The following TNFRSF10D variants were observed in gnomAD, a reference collection of about 807,000 sequenced individuals.
The protein encoded by TNFRSF10D is tumor necrosis factor receptor superfamily member 10D.
Under a neutral mutation model 42.1 loss-of-function variants are expected in TNFRSF10D, and 28 were observed. The observed-to-expected ratio is 0.66, with a 90% CI of 0.49 to 0.91. TNFRSF10D has a LOEUF of 0.91. Ranked by LOEUF, TNFRSF10D falls within the 40% of genes least tolerant of loss-of-function variation. TNFRSF10D has a pLI of 0.00. For synonymous variants in TNFRSF10D, 186 were observed against 189.4 expected, an observed-to-expected ratio of 0.98 and a Z score of 0.15; for missense variants, 503 against 486.1, an observed-to-expected ratio of 1.03 and a Z score of -0.33.
At chr8:23,154,811 T>C (rs757258771) in intron 2 of TNFRSF10D, 63 bp downstream of exon 2, 34 of 1,500,816 alleles carry the variant, frequency 2.3e-5, no homozygotes, top group Non-Finnish European at 3.0e-5. Flanking sequence ...GTGTACACCA[T>C]GAATATATAC....
chr8:23,144,276 C>T (rs550923458), intron 7 of TNFRSF10D, among the ~76,000 whole-genome samples, 174 bp downstream of exon 7: 1 of 152,188 alleles, frequency 6.6e-6, no homozygotes, highest in Admixed American at 6.5e-5. Context: ...AGATGTCCTG[C>T]AGACTGGCAC....
intron 1 of TNFRSF10D, 119 bp downstream of exon 1, chr8:23,163,667 A>C: frequency 2.0e-6 from 3 of 1,473,618 alleles, no homozygotes; most frequent in Non-Finnish European, 2.7e-6. Context: ...CGTCCTGCCC[A>C]GACATGCCCG....
rs1814342285 is a variant in TNFRSF10D, at chr8:23,137,029, G to A, written c.*841C>T. 6.6e-6 allele frequency: 1 copy of A among 152,018 alleles called. No homozygotes were observed. 9.4% of individuals were successfully genotyped at this position (152,018 alleles called of 1,614,324 possible). A position where few individuals can be genotyped will look rare whatever the true frequency, so the allele number is the denominator to read the frequency against. On this transcript the variant is annotated 3_prime_UTR_variant, in exon 9 of 9. Transcript: ENST00000312584. ...TGTATCCAGGCAACCCATGTAAACA[G>A]CCTAATAAGTGCATTTCCTAAAGTT...
At chr8:23,147,679 C>T (rs374488549) in intron 3 of TNFRSF10D, among the ~76,000 whole-genome samples, 3 of 152,286 alleles carry the variant, frequency 2.0e-5, no homozygotes, top group South Asian at 2.1e-4. Flanking sequence ...GTAATCACAG[C>T]ACTCTGGGAG....
rs35108037 is a variant in TNFRSF10D, at chr8:23,148,066, C to CAAAA, written c.370+368_370+371dup. Among the ~76,000 whole-genome samples the CAAAA allele has an allele frequency of 7.5e-4, 37 of 49,378 alleles. 2 individuals carry two copies. The highest frequency in any genetic ancestry group is 1.5e-3 in the African/African-American group (16 of 10,692). 32.4% of individuals were successfully genotyped at this position (49,378 alleles called of 152,430 possible). A position where few individuals can be genotyped will look rare whatever the true frequency, so the allele number is the denominator to read the frequency against. Reference sequence around the variant, plus strand: ...GACAACAGAACGAGACTCCGTCTCCCAAAAAAAAAAAAAAAAAAAAAAAAT... The same window carrying CAAAA: ...GACAACAGAACGAGACTCCGTCTCCCAAAAAAAAAAAAAAAAAAAAAAAAAAAAT... On this transcript the variant is annotated intron_variant, in intron 3 of 8. Coordinates refer to ENST00000312584, the MANE Select transcript of TNFRSF10D (RefSeq NM_003840.5).
chr8:23,141,504 C>CAAAAAAAA (rs59373667), intron 7 of TNFRSF10D, among the ~76,000 whole-genome samples: 2 of 133,378 alleles, frequency 1.5e-5, no homozygotes. Flanking sequence ...GAGTACATCT[C>CAAAAAAAA]AAAAAAAAAA....
At chr8:23,160,979 C>A (rs1472738542) in intron 1 of TNFRSF10D, among the ~76,000 whole-genome samples, 5 of 152,250 alleles carry the variant, frequency 3.3e-5, no homozygotes, top group Non-Finnish European at 7.3e-5. Flanking sequence ...GTGCTCCACC[C>A]CAGTCTTCAG....
At chr8:23,158,532 C>A (rs1275294101) in intron 1 of TNFRSF10D, among the ~76,000 whole-genome samples, 3 of 152,214 alleles carry the variant, frequency 2.0e-5, no homozygotes, top group Non-Finnish European at 1.5e-5. Flanking sequence ...TACCATTGAA[C>A]TGTAGTGCTC....
rs114044814 is a variant in TNFRSF10D at position 23,152,271 on chromosome 8, C to G, written c.256+2603G>C. 2.1e-3 allele frequency among the ~76,000 whole-genome samples: 315 copies of G among 152,314 alleles called. 3 individuals are homozygous for G. The highest frequency in any genetic ancestry group is 7.3e-3 in the African/African-American group (303 of 41,578). On this transcript the variant is annotated intron_variant, in intron 2 of 8. Coordinates refer to ENST00000312584, the MANE Select transcript of TNFRSF10D (RefSeq NM_003840.5). ...GAAGAGGATAGCACACTTTGCAGCACTTACGGGAAGTGGGGAGCTATCCAG... is the reference window on the plus strand; with the variant it reads ...GAAGAGGATAGCACACTTTGCAGCAGTTACGGGAAGTGGGGAGCTATCCAG...
At chr8:23,146,364 G>A (rs1800120301) in intron 4 of TNFRSF10D, among the ~76,000 whole-genome samples, 1 of 152,164 alleles carries the variant, frequency 6.6e-6, no homozygotes, top group South Asian at 2.1e-4. Context: ...GGCCAGAGAA[G>A]AGCAAGTTAC....
At chr8:23,151,042 C>T (rs1453925866) in intron 2 of TNFRSF10D, among the ~76,000 whole-genome samples, 1 of 152,110 alleles carries the variant, frequency 6.6e-6, no homozygotes, top group African/African-American at 2.4e-5. Flanking sequence ...TGGGAATGGA[C>T]ATCCACATTC....
chr8:23,142,238 T>G (rs1040438402), intron 7 of TNFRSF10D, among the ~76,000 whole-genome samples: 1 of 151,260 alleles, frequency 6.6e-6, no homozygotes, highest in African/African-American at 2.4e-5. Flanking sequence ...GCCACTGCAC[T>G]CCAGCCTGGG....
chr8:23,137,768 T>C lies in TNFRSF10D; in HGVS notation c.*102A>G. 6.8e-7 allele frequency: 1 copy of C among 1,462,692 alleles called. No individual in the cohort carries two copies. Among genetic ancestry groups the C allele is most frequent in the Non-Finnish European group, 9.2e-7 (1 of 1,089,066 alleles). 90.6% of individuals were successfully genotyped at this position (1,462,692 alleles called of 1,614,324 possible). ...CTGCCCCATATTGGATAGTAGAGTT[T>C]GTTGGGGCATGGGTCAAGTACTGGA... On this transcript the variant is annotated 3_prime_UTR_variant, in exon 9 of 9. Coordinates refer to ENST00000312584, the MANE Select transcript of TNFRSF10D (RefSeq NM_003840.5).
Sources: allele counts gnomAD v4.1 joint callset (sites outside exome capture counted in the v4.1 genomes callset), GRCh38; gene constraint gnomAD v4.1.1; transcripts MANE v1.5; gene names NCBI Gene and HGNC (gene_info 2026-07-23, HGNC 2026-07-21).